Variants in SPHKAP observed in about 807,000 individuals in gnomAD.
SPHKAP encodes the protein A-kinase anchor protein SPHKAP.
Under a neutral mutation model 137.5 loss-of-function variants are expected in SPHKAP, and 67 were observed. The ratio of observed to expected loss-of-function variants is 0.49; its 90% confidence interval spans 0.40 to 0.60. The LOEUF (loss-of-function observed/expected upper bound fraction) is 0.60. Ranked by LOEUF, SPHKAP falls within the 20% of genes least tolerant of loss-of-function variation. The probability of loss-of-function intolerance (pLI) is 0.00; values close to 1 mark genes in which losing one functional copy is unlikely to be tolerated. For synonymous variants in SPHKAP, 813 were observed against 785.3 expected (o/e 1.04, Z -0.59); for missense variants, 2,097 against 2,069.3 (o/e 1.01, Z -0.26).
intron 2 of SPHKAP, among the ~76,000 whole-genome samples, chr2:228,128,221 C>T (rs1699138098): frequency 6.6e-6 from 1 of 152,180 alleles, no homozygotes; most frequent in African/African-American, 2.4e-5. Flanking sequence ...CCTCTCAAAA[C>T]TTGCTGCTGT....
At chr2:228,081,675 T>C (rs544814865) in intron 3 of SPHKAP, among the ~76,000 whole-genome samples, 2 of 152,282 alleles carry the variant, frequency 1.3e-5, no homozygotes, top group East Asian at 3.9e-4. Flanking sequence ...GGATATTAAG[T>C]ATAAATAAGC....
chr2:228,023,239 G>A (rs1001547059), intron 5 of SPHKAP, among the ~76,000 whole-genome samples: 1 of 152,140 alleles, frequency 6.6e-6, no homozygotes, highest in Non-Finnish European at 1.5e-5. Context: ...TCCCCTGGGG[G>A]CTCAAAAATA....
At chr2:228,102,925 T>C (rs1296701855) in intron 3 of SPHKAP, among the ~76,000 whole-genome samples, 2 of 152,060 alleles carry the variant, frequency 1.3e-5, no homozygotes, top group African/African-American at 2.4e-5. Flanking sequence ...AAATATTTTG[T>C]AGAGATGGGG....
chr2:228,077,882 C>T (rs528790130), intron 3 of SPHKAP, among the ~76,000 whole-genome samples: 6 of 152,226 alleles, frequency 3.9e-5, no homozygotes, highest in African/African-American at 1.4e-4. Flanking sequence ...CTACAATTCC[C>T]ACGTGTTGTG....
At chr2:228,041,722 C>A (rs573478117) in intron 3 of SPHKAP, among the ~76,000 whole-genome samples, 1 of 150,786 alleles carries the variant, frequency 6.6e-6, no homozygotes, top group African/African-American at 2.4e-5. Context: ...GAGGGTATAA[C>A]CTTGTCTTAG....
At chr2:228,074,057 G>A (rs961957478) in intron 3 of SPHKAP, among the ~76,000 whole-genome samples, 6 of 152,152 alleles carry the variant, frequency 3.9e-5, no homozygotes, top group Non-Finnish European at 7.3e-5. Context: ...CATATAGGTG[G>A]ATAAGGATAA....
intron 1 of SPHKAP, among the ~76,000 whole-genome samples, chr2:228,174,226 GA>G (rs1371054208): frequency 6.6e-6 from 1 of 151,970 alleles, no homozygotes; most frequent in Non-Finnish European, 1.5e-5. Flanking sequence ...CGTATTTTGA[GA>G]AAGACTGAAT....
At chr2:228,062,408 C>T (rs1238212883) in intron 3 of SPHKAP, among the ~76,000 whole-genome samples, 1 of 151,716 alleles carries the variant, frequency 6.6e-6, no homozygotes, top group Admixed American at 6.6e-5. Flanking sequence ...TACAGGCAGG[C>T]GTGAGCCACC....
intron 1 of SPHKAP, among the ~76,000 whole-genome samples, chr2:228,132,845 A>AAAAAAAAAT (rs1699297565): frequency 6.7e-6 from 1 of 148,192 alleles, no homozygotes. Flanking sequence ...TAAAAATACA[A>AAAAAAAAAT]AAAAAAAAAT....
intron 7 of SPHKAP, among the ~76,000 whole-genome samples, chr2:228,015,851 A>G (rs1694563587): frequency 6.6e-6 from 1 of 152,214 alleles, no homozygotes; most frequent in Non-Finnish European, 1.5e-5. Context: ...AAGAAAAATG[A>G]GAGGAGAGAA....
intron 3 of SPHKAP, among the ~76,000 whole-genome samples, chr2:228,065,811 G>A (rs1026021976): frequency 6.6e-6 from 1 of 152,174 alleles, no homozygotes; most frequent in East Asian, 1.9e-4. Context: ...TGGGTCTGTG[G>A]CAAGGCTGCC....
chr2:228,138,570 A>G (rs1286080848), intron 1 of SPHKAP, among the ~76,000 whole-genome samples: 1 of 152,214 alleles, frequency 6.6e-6, no homozygotes, highest in African/African-American at 2.4e-5. Flanking sequence ...ATCCTCATTT[A>G]TTCTGTAGGA....
At chr2:228,058,628 C>T (rs1696531209) in intron 3 of SPHKAP, among the ~76,000 whole-genome samples, 1 of 152,206 alleles carries the variant, frequency 6.6e-6, no homozygotes, top group Non-Finnish European at 1.5e-5. Context: ...AACCAATGTG[C>T]TAACTTCTTT....
At chr2:228,097,748 C>T (rs1698032573) in intron 3 of SPHKAP, among the ~76,000 whole-genome samples, 2 of 152,152 alleles carry the variant, frequency 1.3e-5, no homozygotes, top group African/African-American at 4.8e-5. Context: ...TTCTAAGTGA[C>T]AACATGTGGT....
chr2:228,061,839 ACT>A (rs1198615914), intron 3 of SPHKAP, among the ~76,000 whole-genome samples: 2 of 151,542 alleles, frequency 1.3e-5, no homozygotes, highest in African/African-American at 2.4e-5. Flanking sequence ...ACAAAATAAA[ACT>A]CTTTTCATTT....
chr2:228,046,291 CTT>C (rs58510792), intron 3 of SPHKAP, among the ~76,000 whole-genome samples: 91 of 82,526 alleles, frequency 1.1e-3, no homozygotes, highest in Non-Finnish European at 1.8e-3. Flanking sequence ...TGTTGTTATT[CTT>C]TTTTTTTTTT....
At chr2:227,993,451 G>T in intron 9 of SPHKAP, 83 bp downstream of exon 9, 2 of 1,289,734 alleles carry the variant, frequency 1.6e-6, no homozygotes, top group Non-Finnish European at 2.2e-6. Flanking sequence ...CAGTGGTTGG[G>T]CACAACCTGA....
Position 228,108,840 on chromosome 2 carries a change from A to G in SPHKAP, c.238T>C (p.Cys80Arg). ...GAATTCTGTGTACTTACAGAAGCAC[A>G]GTTTTCAGACTTGTCTTCTACAAAA... ...IGFVEDKSEN[C>R]ASVCFVNLDV... Residue 80 changes from cysteine (C) to arginine (R), a missense_variant, in exon 3 of 12, where the codon TGT (cysteine) becomes CGT (arginine). Physicochemically the swap from Cys to Arg is radical, Grantham distance 180 (BLOSUM62 -3). Coordinates refer to ENST00000392056, the MANE Select transcript of SPHKAP (RefSeq NM_001142644.2). The G allele has an allele frequency of 1.9e-6, 3 of 1,606,444 alleles. No homozygotes were observed. The highest frequency in any genetic ancestry group is 2.5e-6 in the Non-Finnish European group (3 of 1,177,696).
intron 2 of SPHKAP, among the ~76,000 whole-genome samples, chr2:228,126,952 A>G (rs1462473536): frequency 6.6e-6 from 1 of 152,172 alleles, no homozygotes; most frequent in Non-Finnish European, 1.5e-5. Flanking sequence ...CTGATTATCC[A>G]ACTAATGCAT....
Sources: gnomAD v4.1 joint callset for allele counts (sites outside exome capture counted in the v4.1 genomes callset) on GRCh38, gnomAD v4.1.1 for gene constraint, MANE v1.5 for transcripts, NCBI Gene and HGNC (gene_info 2026-07-23, HGNC 2026-07-21) for gene names.